The following FAM184A variants were observed in gnomAD, a reference collection of about 807,000 sequenced individuals.
FAM184A encodes the protein family with sequence similarity 184 member A, also known as protein FAM184A.
FAM184A carries 99 observed loss-of-function variants against 143.8 expected under a neutral mutation model. The observed-to-expected ratio is 0.69, with a 90% CI of 0.58 to 0.81. FAM184A has a LOEUF of 0.81. Among genes scored for constraint, FAM184A ranks in the 40% least tolerant of loss-of-function variants. The pLI is 0.00. For missense variants in FAM184A, 1,217 were observed against 1,310.5 expected (o/e 0.93, Z 1.10); for synonymous variants, 427 against 446.4 (o/e 0.96, Z 0.55).
intron 1 of FAM184A, among the ~76,000 whole-genome samples, chr6:119,025,756 T>TA (rs1293546926): frequency 6.6e-6 from 1 of 152,124 alleles, no homozygotes; most frequent in East Asian, 1.9e-4. Context: ...CGAAAAGAAG[T>TA]AAACACTGTA....
At chr6:118,966,684 T>A in intron 15 of FAM184A, 151 bp downstream of exon 15, 1 of 425,310 alleles carries the variant, frequency 2.4e-6, no homozygotes, top group Non-Finnish European at 4.2e-6. Context: ...AATTACTTTA[T>A]TCATAAACAT....
In FAM184A at chr6:119,020,043, A is replaced by C. The variant is rs755046964; in HGVS notation, c.1267T>G (p.Phe423Val). ...RLSQLEEERA[F>V]LRSKTQSLDE... ...AGACTTTGGGTTTTGCTTCGCAAAA[A>C]AGCTCTTTCCTCTTCAAGTTGAGAT... Residue 423 changes from phenylalanine to valine, a missense_variant, in exon 4 of 18, where the codon TTT (phenylalanine) becomes GTT (valine). By Grantham distance (50) the Phe-to-Val change is conservative (BLOSUM62 -1). Transcript: ENST00000338891. 13 of 1,605,800 alleles carry C rather than the reference A, an allele frequency of 8.1e-6. No individual in the cohort carries two copies. Among genetic ancestry groups the C allele is most frequent in the South Asian group, 5.6e-5 (5 of 88,898 alleles).
At chr6:119,005,262 C>T (rs922389848) in intron 7 of FAM184A, 1 of 151,734 alleles carries the variant, frequency 6.6e-6, no homozygotes, top group Non-Finnish European at 1.5e-5. Flanking sequence ...CACACAGCCA[C>T]CGGAGAAAGG....
chr6:119,030,082 G>A (rs1025153925), intron 1 of FAM184A, among the ~76,000 whole-genome samples: 3 of 152,046 alleles, frequency 2.0e-5, no homozygotes, highest in African/African-American at 7.2e-5. Flanking sequence ...CTCATACACT[G>A]AGAAAACCAA....
intron 17 of FAM184A, 149 bp from the exon 18 acceptor site, chr6:118,960,333 T>C (rs1306723587): frequency 3.3e-6 from 2 of 611,320 alleles, no homozygotes; most frequent in East Asian, 5.7e-5. Context: ...CCCTCTATAC[T>C]AGAATCGGTT....
At chr6:119,077,448 T>C (rs1049855615) in intron 1 of FAM184A, among the ~76,000 whole-genome samples, 2 of 152,222 alleles carry the variant, frequency 1.3e-5, no homozygotes, top group African/African-American at 4.8e-5. Flanking sequence ...TCCTTCTCAT[T>C]ATCAACATTA....
chr6:119,069,143 GA>G, intron 1 of FAM184A: 1 of 296,766 alleles, frequency 3.4e-6, no homozygotes, highest in Non-Finnish European at 7.5e-6. Flanking sequence ...TATATAGTCT[GA>G]AATGGAATAA....
chr6:118,981,646 G>GC (rs963404628), intron 9 of FAM184A, among the ~76,000 whole-genome samples: 6 of 152,090 alleles, frequency 3.9e-5, no homozygotes, highest in African/African-American at 1.4e-4. Flanking sequence ...AAGGTCGAAA[G>GC]CAAGCCACCA....
intron 1 of FAM184A, among the ~76,000 whole-genome samples, chr6:119,117,070 C>A (rs1789080315): frequency 6.6e-6 from 1 of 152,194 alleles, no homozygotes; most frequent in Admixed American, 6.5e-5. Flanking sequence ...CCAAGTAGAA[C>A]TACCAGGTGC....
chr6:119,116,379 C>T (rs1269918615), intron 1 of FAM184A, among the ~76,000 whole-genome samples: 1 of 152,084 alleles, frequency 6.6e-6, no homozygotes, highest in Non-Finnish European at 1.5e-5. Flanking sequence ...GGGGCATGGG[C>T]TAAAGGACCC....
At chr6:118,961,235 T>C (rs1287860688) in intron 17 of FAM184A, among the ~76,000 whole-genome samples, 2 of 151,746 alleles carry the variant, frequency 1.3e-5, no homozygotes, top group Non-Finnish European at 2.9e-5. Context: ...ATGGAAATTT[T>C]TAAAATTATT....
chr6:119,050,371 T>C (rs1786704009), intron 1 of FAM184A, among the ~76,000 whole-genome samples: 1 of 151,820 alleles, frequency 6.6e-6, no homozygotes, highest in African/African-American at 2.4e-5. Context: ...TAAAGACACA[T>C]GCAGACGAAT....
intron 9 of FAM184A, among the ~76,000 whole-genome samples, chr6:118,982,377 T>C (rs947163573): frequency 2.0e-5 from 3 of 152,152 alleles, no homozygotes; most frequent in Non-Finnish European, 2.9e-5. Flanking sequence ...GGGACTGCCT[T>C]TTTTGTTTCT....
intron 13 of FAM184A, among the ~76,000 whole-genome samples, 163 bp downstream of exon 13, chr6:118,974,861 G>C (rs1303688785): frequency 6.6e-6 from 1 of 152,104 alleles, no homozygotes. Context: ...CATTTCATCT[G>C]TGTTCTAGAT....
At chr6:119,037,184 T>A (rs974897331) in intron 1 of FAM184A, among the ~76,000 whole-genome samples, 1 of 152,226 alleles carries the variant, frequency 6.6e-6, no homozygotes, top group Non-Finnish European at 1.5e-5. Flanking sequence ...CCTACAATGG[T>A]ACTAGGCAAT....
Position 119,024,226 on chromosome 6 carries a change from T to C in FAM184A, c.747A>G (p.Glu249=). 6.2e-7 allele frequency: 1 copy of C among 1,614,236 alleles called. No homozygotes were observed. The highest frequency in any genetic ancestry group is 1.1e-5 in the South Asian group (1 of 91,084). The change falls in exon 2 of 18, where the codon GAA becomes GAG. Residue 249 remains glutamate (E), a synonymous_variant. Transcript: ENST00000338891. ...AGGACTGAGCTTTATTCAACTTGCC[T>C]TCATAATCCTCAATTAGTTTCTTCC... ...LERKKLIEDY[E]GKLNKAQSFY...
At chr6:119,049,325 A>C (rs771282013) in intron 1 of FAM184A, among the ~76,000 whole-genome samples, 6 of 152,100 alleles carry the variant, frequency 3.9e-5, no homozygotes, top group Admixed American at 6.5e-5. Flanking sequence ...GCGGGCACCT[A>C]TAGTCCCAGC....
chr6:118,980,374 T>G, intron 9 of FAM184A, 24 bp from the exon 10 acceptor site: 1 of 1,593,280 alleles, frequency 6.3e-7, no homozygotes, highest in Non-Finnish European at 8.6e-7. Context: ...TGGTACACAA[T>G]GAAGAATAAA....
At chr6:119,006,288 T>C (rs1784917365) in intron 7 of FAM184A, 159 bp downstream of exon 7, 2 of 786,464 alleles carry the variant, frequency 2.5e-6, no homozygotes. Context: ...TAAATTTCTG[T>C]TGTTTTAAAT....
Sources: gnomAD v4.1 joint callset for allele counts (sites outside exome capture counted in the v4.1 genomes callset) on GRCh38, gnomAD v4.1.1 for gene constraint, MANE v1.5 for transcripts, NCBI Gene and HGNC (gene_info 2026-07-23, HGNC 2026-07-21) for gene names.